The following MRGPRE variants were observed in gnomAD, a reference collection of about 807,000 sequenced individuals.
MRGPRE encodes MAS related GPR family member E, also known as mas-related G protein-coupled receptor member E.
For synonymous variants in MRGPRE, 229 were observed against 206.7 expected, an observed-to-expected ratio of 1.11 and a Z score of -0.92; for missense variants, 466 against 433.4, an observed-to-expected ratio of 1.08 and a Z score of -0.67.
rs542896026 is a variant in MRGPRE, at chr11:3,231,339, G to T, written c.-62+802C>A. On this transcript the variant is annotated intron_variant, in intron 1 of 1. Coordinates refer to ENST00000389832, the MANE Select transcript of MRGPRE (RefSeq NM_001039165.4). The surrounding 1 kb of genome is among the most constrained non-coding windows in gnomAD (Gnocchi z 4.7). ...GAAGGAAACAGGGAGGAGAACAGGG[G>T]GACAAGGGGTTAGAGCCACGGAGCT... Among the ~76,000 whole-genome samples, 1 of 151,914 alleles carries T rather than the reference G, an allele frequency of 6.6e-6. No homozygotes were observed. The highest frequency in any genetic ancestry group is 2.4e-5 in the African/African-American group (1 of 41,330).
In MRGPRE at chr11:3,229,150, G is replaced by T. The variant is rs1847801137; in HGVS notation, c.-61-290C>A. 6.6e-6 allele frequency among the ~76,000 whole-genome samples: 1 copy of T among 151,898 alleles called. No homozygotes were observed. The highest frequency in any genetic ancestry group is 2.1e-4 in the South Asian group (1 of 4,810). On this transcript the variant is annotated intron_variant, in intron 1 of 1. Coordinates refer to ENST00000389832, the MANE Select transcript of MRGPRE (RefSeq NM_001039165.4). This position sits in a 1 kb window ranked among gnomAD's most constrained non-coding sequence, Gnocchi z 4.4. ...TGGGGGCAGGGACCAGGAGATGTGG[G>T]GAGAGGGTCTGAGACCCATGGGGCT...
chr11:3,227,925 T>C lies in MRGPRE; in HGVS notation c.875A>G (p.Asp292Gly). 6.6e-7 allele frequency: 1 copy of C among 1,509,564 alleles called. No homozygotes were observed. Among genetic ancestry groups the C allele is most frequent in the Non-Finnish European group, 8.9e-7 (1 of 1,125,198 alleles). 93.5% of individuals were successfully genotyped at this position (1,509,564 alleles called of 1,614,324 possible). Residue 292 changes from aspartate to glycine, a missense_variant, in exon 2 of 2, where the codon GAC becomes GGC. By Grantham distance (94) the Asp-to-Gly change is moderately conservative. Coordinates refer to ENST00000389832, the MANE Select transcript of MRGPRE (RefSeq NM_001039165.4). ...CCTGACGGCCCCCAGCTCAGCCTCG[T>C]CTCCCAGCGCTCGCTGGAGGACCAG... ...LRLVLQRALGDEAELGAVRET... is the reference protein window; with the variant it reads ...LRLVLQRALGGEAELGAVRET...
chr11:3,228,411 C>G lies in MRGPRE; in HGVS notation c.389G>C (p.Trp130Ser), dbSNP rs755051482. The change falls in exon 2 of 2, where the codon TGG becomes TCG. Residue 130 changes from tryptophan (W) to serine (S), a missense_variant. Physicochemically the swap from Trp to Ser is radical, Grantham distance 177. Coordinates refer to ENST00000389832, the MANE Select transcript of MRGPRE (RefSeq NM_001039165.4). ...GTGGCGTGGGCGGCGGCACGAGTAC[C>G]AGGCTGGGAAGAGGGCGGCCAGGCA... ...EQCLAALFPA[W>S]YSCRRPRHLT... The G allele has an allele frequency of 6.2e-7, 1 of 1,606,898 alleles. No individual in the cohort carries two copies. Among genetic ancestry groups the G allele is most frequent in the Admixed American group, 1.7e-5 (1 of 59,736 alleles).
At position 3,229,400 on chromosome 11, in the gene MRGPRE, C is replaced by T. The variant is rs1017642189; in HGVS notation, c.-61-540G>A. On this transcript the variant is annotated intron_variant, in intron 1 of 1. Transcript: ENST00000389832. This position sits in a 1 kb window ranked among gnomAD's most constrained non-coding sequence, Gnocchi z 4.4. The stretch of plus-strand genomic sequence containing the variant: ...ATCACCATGCCCAGCTAATTTATTG[C>T]ATTTTTAGTAGAGACAGGGTTTCAC... Among the ~76,000 whole-genome samples, 2 of 151,970 alleles carry T rather than the reference C, an allele frequency of 1.3e-5. No individual in the cohort carries two copies. The highest frequency in any genetic ancestry group is 3.9e-4 in the East Asian group (2 of 5,188).
chr11:3,228,678 C>G lies in MRGPRE; in HGVS notation c.122G>C (p.Gly41Ala). 6.2e-7 allele frequency: 1 copy of G among 1,613,978 alleles called. No individual in the cohort carries two copies. The highest frequency in any genetic ancestry group is 8.5e-7 in the Non-Finnish European group (1 of 1,179,984). The change falls in exon 2 of 2, where the codon GGG (glycine) becomes GCG (alanine). Residue 41 changes from glycine to alanine, a missense_variant. Physicochemically the swap from Gly to Ala is moderately conservative, Grantham distance 60. Coordinates refer to ENST00000389832, the MANE Select transcript of MRGPRE (RefSeq NM_001039165.4). ...GAGCAGCCAGAGGACTGCCCCATTC[C>G]CCAGCAGCCCACCGAGGCCGAGCCC... ...TEGLGLGGLL[G>A]NGAVLWLLSS...
chr11:3,228,391 G>A lies in MRGPRE; in HGVS notation c.409C>T (p.Arg137Cys), dbSNP rs768186461. 2.3e-5 allele frequency: 37 copies of A among 1,598,224 alleles called. No individual in the cohort carries two copies. The highest frequency in any genetic ancestry group is 5.1e-5 in the Admixed American group (3 of 58,446). The change falls in exon 2 of 2, where the codon CGC becomes TGC. Residue 137 changes from arginine (R) to cysteine (C), a missense_variant. Coordinates refer to ENST00000389832, the MANE Select transcript of MRGPRE (RefSeq NM_001039165.4). ...GCGCACACACAGGTGGTCAGGTGGC[G>A]TGGGCGGCGGCACGAGTACCAGGCT... ...FPAWYSCRRP[R>C]HLTTCVCALT...
rs914357395 is a variant in MRGPRE, at chr11:3,225,906, C to T, written c.*1955G>A. 7.9e-5 allele frequency among the ~76,000 whole-genome samples: 12 copies of T among 152,148 alleles called. No homozygotes were observed. The highest frequency in any genetic ancestry group is 1.9e-4 in the East Asian group (1 of 5,180). ...GGAAGAAGTGAGCATTCTAAGGGTC[C>T]GCAATCTCTCTGAACCCTTATGCAG... On this transcript the variant is annotated 3_prime_UTR_variant, in exon 2 of 2. Coordinates refer to ENST00000389832, the MANE Select transcript of MRGPRE (RefSeq NM_001039165.4).
Position 3,230,335 on chromosome 11 carries a change from G to A in MRGPRE, c.-61-1475C>T, listed in dbSNP as rs1051820262. Among the ~76,000 whole-genome samples, 1 of 152,038 alleles carries A rather than the reference G, an allele frequency of 6.6e-6. No individual in the cohort carries two copies. The highest frequency in any genetic ancestry group is 2.4e-5 in the African/African-American group (1 of 41,378). ...GGCTGGGGTTTGGGGTGAGGAGGGTGGGGGTACAAGCAGAAACCCCCATAG... is the reference window on the plus strand; with the variant it reads ...GGCTGGGGTTTGGGGTGAGGAGGGTAGGGGTACAAGCAGAAACCCCCATAG... On this transcript the variant is annotated intron_variant, in intron 1 of 1. Transcript: ENST00000389832. This position sits in a 1 kb window ranked among gnomAD's most constrained non-coding sequence, Gnocchi z 5.5.
In MRGPRE at chr11:3,229,244, A is replaced by G. The variant is rs1463607334; in HGVS notation, c.-61-384T>C. Reference sequence around the variant, plus strand: ...TTTTTTTTTTTTTTTTTTTTTTTGGAGATGGAGTCTGGCTCTGTTGCCCCA... The same window carrying G: ...TTTTTTTTTTTTTTTTTTTTTTTGGGGATGGAGTCTGGCTCTGTTGCCCCA... On this transcript the variant is annotated intron_variant, in intron 1 of 1. Coordinates refer to ENST00000389832, the MANE Select transcript of MRGPRE (RefSeq NM_001039165.4). This position sits in a 1 kb window ranked among gnomAD's most constrained non-coding sequence, Gnocchi z 4.4. 2.2e-5 allele frequency among the ~76,000 whole-genome samples: 2 copies of G among 89,036 alleles called. No homozygotes were observed. The highest frequency in any genetic ancestry group is 1.3e-4 in the African/African-American group (2 of 14,990). 58.4% of individuals were successfully genotyped at this position (89,036 alleles called of 152,430 possible). A position where few individuals can be genotyped will look rare whatever the true frequency, so the allele number is the denominator to read the frequency against.
At position 3,231,545 on chromosome 11, in the gene MRGPRE, A is replaced by AGAGGAGAGG. The variant is rs1487806149; in HGVS notation, c.-62+587_-62+595dup. Among the ~76,000 whole-genome samples, 1 of 141,378 alleles carries AGAGGAGAGG rather than the reference A, an allele frequency of 7.1e-6. No individual in the cohort carries two copies. Among genetic ancestry groups the AGAGGAGAGG allele is most frequent in the Non-Finnish European group, 1.5e-5 (1 of 64,980 alleles). The allele number at this position is 141,378 out of a possible 152,430, so 92.7% of individuals were successfully genotyped here. On this transcript the variant is annotated intron_variant, in intron 1 of 1. Transcript: ENST00000389832. The surrounding 1 kb of genome is among the most constrained non-coding windows in gnomAD (Gnocchi z 4.7). ...GTTGCATCCTTGGTGAGCAGGAGGAAGAGGAGAGGGAGGAGAAGGAGGGGA... is the reference window on the plus strand; with the variant it reads ...GTTGCATCCTTGGTGAGCAGGAGGAAGAGGAGAGGGAGGAGAGGGAGGAGAAGGAGGGGA...
In MRGPRE at chr11:3,232,165, G is replaced by A. The variant is rs1286430132; in HGVS notation, c.-86C>T. 2.6e-5 allele frequency: 4 copies of A among 152,460 alleles called. No homozygotes were observed. The East Asian group carries it at 7.7e-4, about 29-fold the overall frequency. The allele number at this position is 152,460 out of a possible 1,614,324, so 9.4% of individuals were successfully genotyped here. A position where few individuals can be genotyped will look rare whatever the true frequency, so the allele number is the denominator to read the frequency against. ...CCGTTTGGGGCAGAGGACTGGCCGAGCCCTGCCTGCTCTGACCCTGGGCCT... is the reference window on the plus strand; with the variant it reads ...CCGTTTGGGGCAGAGGACTGGCCGAACCCTGCCTGCTCTGACCCTGGGCCT... On this transcript the variant is annotated 5_prime_UTR_variant, in exon 1 of 2. Coordinates refer to ENST00000389832, the MANE Select transcript of MRGPRE (RefSeq NM_001039165.4).
At position 3,225,465 on chromosome 11, in the gene MRGPRE, G is replaced by T. The variant is rs1388643723; in HGVS notation, c.*2396C>A. Among the ~76,000 whole-genome samples, 3 of 152,222 alleles carry T rather than the reference G, an allele frequency of 2.0e-5. No individual in the cohort carries two copies. Among genetic ancestry groups the T allele is most frequent in the Admixed American group, 6.5e-5 (1 of 15,288 alleles). On this transcript the variant is annotated 3_prime_UTR_variant, in exon 2 of 2. Coordinates refer to ENST00000389832, the MANE Select transcript of MRGPRE (RefSeq NM_001039165.4). ...AGGCCCCAGGGTCCTGCAGGGTGGGGTCTAGGGCAGCCAGGGGTCCCTGGT... is the reference window on the plus strand; with the variant it reads ...AGGCCCCAGGGTCCTGCAGGGTGGGTTCTAGGGCAGCCAGGGGTCCCTGGT...
rs947544485 is a variant in MRGPRE, at chr11:3,229,925, T to A, written c.-61-1065A>T. Reference sequence around the variant, plus strand: ...CCATGGCGTCTCCAGCCTCCCTCCATCCCCTCCCAAGGCAGTCGGCTCACG... The same window carrying A: ...CCATGGCGTCTCCAGCCTCCCTCCAACCCCTCCCAAGGCAGTCGGCTCACG... On this transcript the variant is annotated intron_variant, in intron 1 of 1. Coordinates refer to ENST00000389832, the MANE Select transcript of MRGPRE (RefSeq NM_001039165.4). This position sits in a 1 kb window ranked among gnomAD's most constrained non-coding sequence, Gnocchi z 4.4. 6.6e-5 allele frequency among the ~76,000 whole-genome samples: 10 copies of A among 151,952 alleles called. No individual in the cohort carries two copies. The highest frequency in any genetic ancestry group is 2.4e-4 in the African/African-American group (10 of 41,376).
rs1000908550 is a variant in MRGPRE at position 3,231,643 on chromosome 11, G to A, written c.-62+498C>T. Among the ~76,000 whole-genome samples the A allele has an allele frequency of 1.3e-5, 2 of 150,960 alleles. No homozygotes were observed. Among genetic ancestry groups the A allele is most frequent in the Non-Finnish European group, 3.0e-5 (2 of 67,652 alleles). On this transcript the variant is annotated intron_variant, in intron 1 of 1. Transcript: ENST00000389832. This position sits in a 1 kb window ranked among gnomAD's most constrained non-coding sequence, Gnocchi z 4.7. ...GGGGAGGAGAAGGAGGGGAGGAGGC[G>A]GGGAAGGACGATGGAACAGAAGAGG...
At position 3,228,776 on chromosome 11, in the gene MRGPRE, T is replaced by C. The variant is rs766848454; in HGVS notation, c.24A>G (p.Gly8=). ...CGCCGTTGGCGGCCCCCACGTGCTGTCCAGCTTCTCTGGGCTCCATCATGG... is the reference window on the plus strand; with the variant it reads ...CGCCGTTGGCGGCCCCCACGTGCTGCCCAGCTTCTCTGGGCTCCATCATGG... MMEPREA[G]QHVGAANGAQ... Residue 8 remains glycine (G), a synonymous_variant, in exon 2 of 2, where the codon GGA becomes GGG. Transcript: ENST00000389832. 14 of 1,609,004 alleles carry C rather than the reference T, an allele frequency of 8.7e-6. No homozygotes were observed. The East Asian group carries it at 2.7e-4, about 31-fold the overall frequency.
rs764788013 is a variant in MRGPRE at position 3,228,701 on chromosome 11, C to T, written c.99G>A (p.Gly33=). The T allele has an allele frequency of 1.9e-6, 3 of 1,613,944 alleles. No homozygotes were observed. Among genetic ancestry groups the T allele is most frequent in the Admixed American group, 1.7e-5 (1 of 60,022 alleles). ...TCCCCAGCAGCCCACCGAGGCCGAG[C>T]CCCTCGGTGAGGGACAGGATGATGA... ...FNLIILSLTE[G]LGLGGLLGNG... is the part of the protein sequence containing the mutation. Residue 33 remains glycine, a synonymous_variant, in exon 2 of 2, where the codon GGG becomes GGA. Coordinates refer to ENST00000389832, the MANE Select transcript of MRGPRE (RefSeq NM_001039165.4).
In MRGPRE at chr11:3,231,336, G is replaced by A. The variant is rs1360353591; in HGVS notation, c.-62+805C>T. Among the ~76,000 whole-genome samples the A allele has an allele frequency of 6.6e-6, 1 of 151,878 alleles. No homozygotes were observed. The highest frequency in any genetic ancestry group is 1.5e-5 in the Non-Finnish European group (1 of 67,958). On this transcript the variant is annotated intron_variant, in intron 1 of 1. Coordinates refer to ENST00000389832, the MANE Select transcript of MRGPRE (RefSeq NM_001039165.4). This position sits in a 1 kb window ranked among gnomAD's most constrained non-coding sequence, Gnocchi z 4.7. ...AGAGAAGGAAACAGGGAGGAGAACA[G>A]GGGGACAAGGGGTTAGAGCCACGGA...
rs368237602 is a variant in MRGPRE at position 3,228,082 on chromosome 11, G to A, written c.718C>T (p.Arg240Trp). The A allele has an allele frequency of 1.1e-5, 17 of 1,605,060 alleles. No individual in the cohort carries two copies. The highest frequency in any genetic ancestry group is 1.3e-5 in the Non-Finnish European group (15 of 1,176,376). ...TGGGGGATGTACCAGAGCAGGTTCC[G>A]GGACAGCCAGTAGATGCCGAAGGGC... ...GLPFGIYWLS[R>W]NLLWYIPHYF... The change falls in exon 2 of 2, where the codon CGG (arginine) becomes TGG (tryptophan). Residue 240 changes from arginine to tryptophan, a missense_variant. Physicochemically the swap from Arg to Trp is moderately radical, Grantham distance 101. Coordinates refer to ENST00000389832, the MANE Select transcript of MRGPRE (RefSeq NM_001039165.4).
chr11:3,231,123 C>T lies in MRGPRE; in HGVS notation c.-62+1018G>A, dbSNP rs11026056. 0.088 allele frequency among the ~76,000 whole-genome samples: 13,340 copies of T among 152,170 alleles called. 820 individuals are homozygous for T. Among genetic ancestry groups the T allele is most frequent in the East Asian group, 0.2 (1,024 of 5,134 alleles). ...CCAGCAAGCTCCAGCCCCAAAGCAA[C>T]AGGTGGGGTTTCTCCAGCCTGTGGC... is the stretch of plus-strand genomic sequence containing the variant. On this transcript the variant is annotated intron_variant, in intron 1 of 1. Transcript: ENST00000389832. The surrounding 1 kb of genome is among the most constrained non-coding windows in gnomAD (Gnocchi z 4.7).
Sources: allele counts gnomAD v4.1 joint callset (sites outside exome capture counted in the v4.1 genomes callset), GRCh38; gene constraint gnomAD v4.1.1; non-coding constraint Gnocchi (gnomAD v3.1); transcripts MANE v1.5; gene names NCBI Gene and HGNC (gene_info 2026-07-23, HGNC 2026-07-21).